The following NELL2 variants were observed in gnomAD, a reference collection of about 807,000 sequenced individuals.
NELL2 encodes neural EGFL like 2.
Under a neutral mutation model 109.6 loss-of-function variants are expected in NELL2, and 41 were observed. That is an observed-to-expected ratio of 0.37 (90% CI 0.29 to 0.49). The LOEUF (loss-of-function observed/expected upper bound fraction) is 0.49, where lower values mean the gene tolerates loss of function less well. NELL2 is among the 20% of genes least tolerant of loss of function. The pLI, the probability that NELL2 is intolerant of heterozygous loss-of-function variation, is 0.98. For synonymous variants in NELL2, 355 were observed against 344.7 expected, an observed-to-expected ratio of 1.03 and a Z score of -0.33; for missense variants, 900 against 1,008.3, an observed-to-expected ratio of 0.89 and a Z score of 1.45.
At chr12:44,807,716 GATCATTAA>G (rs1202110641) in intron 3 of NELL2, among the ~76,000 whole-genome samples, 1 of 151,926 alleles carries the variant, frequency 6.6e-6, no homozygotes, top group East Asian at 1.9e-4. Flanking sequence ...GTAGCAGACT[GATCATTAA>G]AAGTTACATG....
At chr12:44,913,780 A>G in intron 1 of NELL2, 1 of 825,006 alleles carries the variant, frequency 1.2e-6, no homozygotes, top group Non-Finnish European at 1.9e-6. Context: ...TAAAATTAAA[A>G]TGATAAGAAA....
intron 13 of NELL2, among the ~76,000 whole-genome samples, chr12:44,644,793 C>A (rs544267007): frequency 2.0e-5 from 3 of 151,214 alleles, no homozygotes; most frequent in Non-Finnish European, 4.4e-5. Context: ...TTCATCTATA[C>A]CTCCTAGGAA....
chr12:44,553,523 T>C (rs1363088184), intron 15 of NELL2, among the ~76,000 whole-genome samples: 1 of 152,134 alleles, frequency 6.6e-6, no homozygotes, highest in Non-Finnish European at 1.5e-5. Flanking sequence ...AACAATCACT[T>C]CTATAACCTA....
At chr12:44,540,315 G>A (rs1333761757) in intron 15 of NELL2, among the ~76,000 whole-genome samples, 1 of 152,086 alleles carries the variant, frequency 6.6e-6, no homozygotes, top group East Asian at 1.9e-4. Flanking sequence ...ATACATTTTT[G>A]TATTTTCTTG....
intron 2 of NELL2, among the ~76,000 whole-genome samples, chr12:44,835,318 TG>T (rs1944020580): frequency 6.6e-6 from 1 of 152,268 alleles, no homozygotes; most frequent in East Asian, 1.9e-4. Context: ...CAGTGGCTTC[TG>T]GGGGGAAAAA....
chr12:44,609,112 T>TTTTTG (rs1056643309), intron 14 of NELL2, among the ~76,000 whole-genome samples: 1 of 151,816 alleles, frequency 6.6e-6, no homozygotes, highest in African/African-American at 2.4e-5. Flanking sequence ...TGGTGTTTGT[T>TTTTTG]TTTTGTTTTG....
chr12:44,746,604 A>G (rs1219594282), intron 9 of NELL2, among the ~76,000 whole-genome samples: 2 of 152,208 alleles, frequency 1.3e-5, no homozygotes, highest in Non-Finnish European at 2.9e-5. Context: ...ATTTACAAGA[A>G]AAAAACAAAC....
intron 15 of NELL2, among the ~76,000 whole-genome samples, chr12:44,600,125 CTAATTTAT>C (rs993203068): frequency 6.0e-5 from 8 of 133,540 alleles, no homozygotes; most frequent in African/African-American, 2.0e-4. Context: ...GCACGCCCGG[CTAATTTAT>C]TTATTTATTT....
intron 12 of NELL2, among the ~76,000 whole-genome samples, chr12:44,687,280 C>A (rs1299529342): frequency 1.3e-5 from 2 of 152,204 alleles, no homozygotes; most frequent in Non-Finnish European, 2.9e-5. Flanking sequence ...ATGGTGCGCG[C>A]ACCCACTGAC....
intron 15 of NELL2, among the ~76,000 whole-genome samples, chr12:44,587,954 A>G (rs533367638): frequency 2.0e-4 from 30 of 152,262 alleles, no homozygotes; most frequent in African/African-American, 6.5e-4. Context: ...GATAGAGACC[A>G]TCCTGGCTAA....
chr12:44,679,845 A>G (rs1010564629), intron 12 of NELL2, among the ~76,000 whole-genome samples: 7 of 152,060 alleles, frequency 4.6e-5, no homozygotes, highest in Non-Finnish European at 7.4e-5. Flanking sequence ...CTCAATTCCT[A>G]CATAGTATCT....
chr12:44,513,977 G>T (rs1275531039), intron 19 of NELL2, among the ~76,000 whole-genome samples: 1 of 147,990 alleles, frequency 6.8e-6, no homozygotes, highest in Non-Finnish European at 1.5e-5. Context: ...TTAGACCTAA[G>T]TGCATCATAG....
At chr12:44,876,546 C>A (rs1469514227), upstream of NELL2, 10 of 1,455,862 alleles carry the variant, frequency 6.9e-6, no homozygotes, top group South Asian at 2.9e-5. Context: ...TGCCAACCTC[C>A]TTTCGGGATT....
intron 2 of NELL2, among the ~76,000 whole-genome samples, chr12:44,852,670 T>G (rs1197162234): frequency 6.6e-6 from 1 of 152,194 alleles, no homozygotes; most frequent in African/African-American, 2.4e-5. Flanking sequence ...CTGACCAAAA[T>G]AACAAAAAGT....
chr12:44,575,412 A>G (rs1944037520), intron 15 of NELL2, among the ~76,000 whole-genome samples: 1 of 152,238 alleles, frequency 6.6e-6, no homozygotes, highest in Admixed American at 6.5e-5. Flanking sequence ...GGAAGCATTT[A>G]CACTTCTTGA....
chr12:44,564,432 T>C (rs959176296), intron 15 of NELL2, among the ~76,000 whole-genome samples: 7 of 152,204 alleles, frequency 4.6e-5, no homozygotes, highest in Non-Finnish European at 4.4e-5. Flanking sequence ...TATTTCTGTT[T>C]TCAGTATTTA....
intron 3 of NELL2, among the ~76,000 whole-genome samples, chr12:44,812,527 T>C (rs1370472580): frequency 6.6e-6 from 1 of 152,206 alleles, no homozygotes. Context: ...CATTTTATCT[T>C]GTCCTGTAGA....
intron 2 of NELL2, among the ~76,000 whole-genome samples, chr12:44,857,643 T>C (rs1012362780): frequency 9.2e-5 from 14 of 152,152 alleles, no homozygotes; most frequent in African/African-American, 3.4e-4. Context: ...ATCCCCACAA[T>C]ATAGAACTCA....
At chr12:44,866,556 T>C (rs1342287347) in intron 2 of NELL2, among the ~76,000 whole-genome samples, 1 of 151,448 alleles carries the variant, frequency 6.6e-6, no homozygotes, top group Non-Finnish European at 1.5e-5. Context: ...AACCTAAAGT[T>C]ACAAATAAAT....
Sources: gnomAD v4.1 joint callset for allele counts (sites outside exome capture counted in the v4.1 genomes callset) on GRCh38, gnomAD v4.1.1 for gene constraint, MANE v1.5 for transcripts, NCBI Gene and HGNC (gene_info 2026-07-23, HGNC 2026-07-21) for gene names.